LRBA: variants seen among roughly 807,000 people sequenced by gnomAD.
LRBA encodes LPS responsive beige-like anchor protein.
LRBA carries 176 observed loss-of-function variants against 330.0 expected under a neutral mutation model. The observed-to-expected ratio is 0.53, with a 90% confidence interval of 0.47 to 0.60. LRBA has a LOEUF of 0.60. Ranked by LOEUF, LRBA falls within the 20% of genes least tolerant of loss-of-function variation. The probability of loss-of-function intolerance (pLI) is 0.00; values close to 1 mark genes in which losing one functional copy is unlikely to be tolerated. For missense variants in LRBA, 3,259 were observed against 3,444.8 expected, an observed-to-expected ratio of 0.95 and a Z score of 1.35; for synonymous variants, 1,230 against 1,193.0, an observed-to-expected ratio of 1.03 and a Z score of -0.64.
chr4:150,651,428 C>A (rs112604412), intron 37 of LRBA, among the ~76,000 whole-genome samples: 10 of 152,060 alleles, frequency 6.6e-5, no homozygotes, highest in African/African-American at 1.4e-4. Flanking sequence ...ATAATGTTGA[C>A]GGATGAAAAT....
At chr4:150,906,036 T>C (rs1425595511) in intron 12 of LRBA, 46 bp from the exon 13 acceptor site, 1 of 1,548,592 alleles carries the variant, frequency 6.5e-7, no homozygotes, top group Non-Finnish European at 8.9e-7. Context: ...CAAGTCAAAG[T>C]AAGTGAATTA....
At position 150,850,814 on chromosome 4, in the gene LRBA, C is replaced by A. The variant is rs144754728; in HGVS notation, c.3914G>T (p.Arg1305Leu). ...CTGAGACCAGTTGAACTCAGGAATA[C>A]GAAACACAGTAGATCTGGAATCCCT... ...QRRDSRSTVFRIPEFNWSQMH... is the reference protein window; with the variant it reads ...QRRDSRSTVFLIPEFNWSQMH... Residue 1305 changes from arginine to leucine, a missense_variant, in exon 24 of 57, where the codon CGT becomes CTT. Physicochemically the swap from Arg to Leu is moderately radical, Grantham distance 102 (BLOSUM62 -2). Transcript: ENST00000651943. 1 of 1,613,498 alleles carries A rather than the reference C, an allele frequency of 6.2e-7. No individual in the cohort carries two copies. The highest frequency in any genetic ancestry group is 1.3e-5 in the African/African-American group (1 of 74,904).
In LRBA at chr4:150,532,712, G is replaced by GC. The variant is rs1764176105; in HGVS notation, c.6331-41678dup. ...ATATAAAACAGAAAGAGAAGAATGGGCATATACATAAAATAGACTCAATGA... is the reference window on the plus strand; with the variant it reads ...ATATAAAACAGAAAGAGAAGAATGGGCCATATACATAAAATAGACTCAATGA... On this transcript the variant is annotated intron_variant, in intron 40 of 56. Coordinates refer to ENST00000651943, the MANE Select transcript of LRBA (RefSeq NM_001364905.1). 4.6e-5 allele frequency among the ~76,000 whole-genome samples: 7 copies of GC among 152,010 alleles called. No individual in the cohort carries two copies. In the South Asian group the frequency reaches 1.5e-3, roughly 32 times the overall value.
intron 35 of LRBA, among the ~76,000 whole-genome samples, chr4:150,760,884 CAAAT>C (rs1734973081): frequency 6.6e-6 from 1 of 152,134 alleles, no homozygotes; most frequent in Non-Finnish European, 1.5e-5. Context: ...TATTTAAAAT[CAAAT>C]AAAGTTACGA....
intron 37 of LRBA, among the ~76,000 whole-genome samples, chr4:150,676,177 A>G (rs572723096): frequency 1.3e-5 from 2 of 152,334 alleles, no homozygotes; most frequent in African/African-American, 4.8e-5. Context: ...GAGAATACAA[A>G]GGCATCAAAC....
intron 8 of LRBA, among the ~76,000 whole-genome samples, chr4:150,915,102 G>T (rs1266237659): frequency 6.6e-6 from 1 of 152,060 alleles, no homozygotes; most frequent in East Asian, 1.9e-4. Context: ...TGGTGTGTGG[G>T]TAGTGTACTT....
intron 37 of LRBA, among the ~76,000 whole-genome samples, chr4:150,650,304 A>C (rs1779587742): frequency 6.6e-6 from 1 of 152,188 alleles, no homozygotes; most frequent in Non-Finnish European, 1.5e-5. Context: ...AAACGTAATA[A>C]GGCATTTAAA....
chr4:150,289,568 A>T (rs955594814), intron 53 of LRBA, among the ~76,000 whole-genome samples: 1 of 152,220 alleles, frequency 6.6e-6, no homozygotes, highest in Admixed American at 6.5e-5. Flanking sequence ...AGCGCTACTT[A>T]ACTTTCCTCA....
intron 40 of LRBA, among the ~76,000 whole-genome samples, chr4:150,496,075 CTATT>C (rs201957110): frequency 1.3e-4 from 20 of 151,968 alleles, no homozygotes; most frequent in Admixed American, 2.0e-4. Flanking sequence ...CATAAATATT[CTATT>C]TATTTACTGT....
intron 35 of LRBA, among the ~76,000 whole-genome samples, chr4:150,753,475 A>G (rs62346311): frequency 0.089 from 13,497 of 152,110 alleles, 1,038 homozygotes; most frequent in African/African-American, 0.22. Context: ...TTCTATAATC[A>G]TTCTTATTTA....
Position 150,690,801 on chromosome 4 carries a change from A to AT in LRBA, c.5755-7085dup, listed in dbSNP as rs1021043131. Among the ~76,000 whole-genome samples the AT allele has an allele frequency of 1.3e-3, 195 of 152,060 alleles. 1 individual carries two copies. The highest frequency in any genetic ancestry group is 4.1e-3 in the African/African-American group (171 of 41,490). On this transcript the variant is annotated intron_variant, in intron 36 of 56. Coordinates refer to ENST00000651943, the MANE Select transcript of LRBA (RefSeq NM_001364905.1). Reference sequence around the variant, plus strand: ...TAACATTTCCAAAACACAACAGCAGATTTTTTTTATAACTTTGGGATAGGC... The same window carrying AT: ...TAACATTTCCAAAACACAACAGCAGATTTTTTTTTATAACTTTGGGATAGGC...
chr4:150,307,794 G>T (rs1438542405), intron 52 of LRBA, among the ~76,000 whole-genome samples: 1 of 152,100 alleles, frequency 6.6e-6, no homozygotes, highest in African/African-American at 2.4e-5. Context: ...TCAAAGAGGA[G>T]TGTTTAGGTT....
At chr4:150,361,225 TCTGA>T (rs1395050664) in intron 47 of LRBA, among the ~76,000 whole-genome samples, 4 of 152,208 alleles carry the variant, frequency 2.6e-5, no homozygotes, top group Non-Finnish European at 4.4e-5. Context: ...AAATTTTGGG[TCTGA>T]CTCTTTCTGC....
chr4:151,011,091 G>T (rs1744785769), intron 2 of LRBA, among the ~76,000 whole-genome samples: 1 of 151,450 alleles, frequency 6.6e-6, no homozygotes, highest in African/African-American at 2.4e-5. Flanking sequence ...GGAGGCTGAC[G>T]CCGGAGAATG....
At position 150,852,434 on chromosome 4, in the gene LRBA, C is replaced by G; in HGVS notation, c.3276G>C (p.Glu1092Asp). The G allele has an allele frequency of 6.2e-7, 1 of 1,613,502 alleles. No individual in the cohort carries two copies. Among genetic ancestry groups the G allele is most frequent in the Non-Finnish European group, 8.5e-7 (1 of 1,179,988 alleles). Residue 1092 changes from glutamate (E) to aspartate (D), a missense_variant, in exon 23 of 57, where the codon GAG becomes GAC. Physicochemically the swap from Glu to Asp is conservative, Grantham distance 45 (BLOSUM62 2). Coordinates refer to ENST00000651943, the MANE Select transcript of LRBA (RefSeq NM_001364905.1). ...TAGATTTATCCAAGAATTCTGGCAT[C>G]TCTGAGGCATCCTCTTCTGAAGGAG... is the stretch of plus-strand genomic sequence containing the variant. ...ISSPSEEDASEMPEFLDKSIV... is the reference protein window; with the variant it reads ...ISSPSEEDASDMPEFLDKSIV...
intron 40 of LRBA, among the ~76,000 whole-genome samples, chr4:150,540,160 G>A (rs565417593): frequency 6.6e-6 from 1 of 152,212 alleles, no homozygotes; most frequent in Admixed American, 6.5e-5. Context: ...TTGCATTCTC[G>A]AAAACAGACC....
Position 150,597,096 on chromosome 4 carries a change from T to C in LRBA, c.6046+1911A>G, listed in dbSNP as rs1581776058. 7.1e-7 allele frequency: 1 copy of C among 1,401,414 alleles called. No homozygotes were observed. Among genetic ancestry groups the C allele is most frequent in the Non-Finnish European group, 9.9e-7 (1 of 1,008,810 alleles). The allele number at this position is 1,401,414 out of a possible 1,614,324, so 86.8% of individuals were successfully genotyped here. ...CTCAATGCTTACCTTTGCTGTTCTC[T>C]CTCAATTTAAAAATGCACACTAAAA... is the stretch of plus-strand genomic sequence containing the variant. On this transcript the variant is annotated intron_variant, in intron 38 of 56. Transcript: ENST00000651943.
At chr4:150,669,196 A>T (rs1781832178) in intron 37 of LRBA, among the ~76,000 whole-genome samples, 1 of 152,188 alleles carries the variant, frequency 6.6e-6, no homozygotes, top group African/African-American at 2.4e-5. Context: ...AATAATAGCT[A>T]TTAATTTTTA....
chr4:150,267,253 C>T (rs1045555113), intron 56 of LRBA, among the ~76,000 whole-genome samples: 6 of 152,018 alleles, frequency 3.9e-5, no homozygotes, highest in African/African-American at 1.2e-4. Context: ...TTTTGCAGTG[C>T]GCATGGAATA....
Sources: gnomAD v4.1 joint callset for allele counts (sites outside exome capture counted in the v4.1 genomes callset) on GRCh38, gnomAD v4.1.1 for gene constraint, MANE v1.5 for transcripts, NCBI Gene and HGNC (gene_info 2026-07-23, HGNC 2026-07-21) for gene names.